The following SASH1 variants were observed in gnomAD, a reference collection of about 807,000 sequenced individuals.
SASH1 encodes the protein SAM and SH3 domain-containing protein 1.
In SASH1, 44 loss-of-function variants were observed where a neutral mutation model predicts 125.2. The observed-to-expected ratio is 0.35, with a 90% CI of 0.28 to 0.45. The LOEUF is 0.45. Among genes scored for constraint, SASH1 ranks in the 20% least tolerant of loss-of-function variants. SASH1 has a pLI of 1.00. For synonymous variants in SASH1, 639 were observed against 649.1 expected (o/e 0.98, Z 0.24); for missense variants, 1,426 against 1,614.5 (o/e 0.88, Z 2.00).
chr6:148,519,425 T>TGTAA lies in SASH1; in HGVS notation c.863-119_863-116dup, dbSNP rs1780658961. The TGTAA allele has an allele frequency of 1.5e-6, 1 of 677,028 alleles. No homozygotes were observed. Among genetic ancestry groups the TGTAA allele is most frequent in the South Asian group, 1.9e-5 (1 of 51,886 alleles). The allele number at this position is 677,028 out of a possible 1,614,324, so 41.9% of individuals were successfully genotyped here. ...GTGTATTTTCATTTTTCTGTACATA[T>TGTAA]GTAAGTGGGAGCTGGGTTTATAAAG... On this transcript the variant is annotated intron_variant, in intron 9 of 19. Coordinates refer to ENST00000367467, the MANE Select transcript of SASH1 (RefSeq NM_015278.5). The surrounding 1 kb of genome is among the most constrained non-coding windows in gnomAD (Gnocchi z 4.8).
intron 1 of SASH1, among the ~76,000 whole-genome samples, chr6:148,279,209 T>C (rs1480949825): frequency 2.0e-5 from 3 of 152,136 alleles, no homozygotes; most frequent in East Asian, 3.9e-4. Context: ...CAGGCTGGTC[T>C]TGAACTCCTG....
intron 1 of SASH1, among the ~76,000 whole-genome samples, chr6:148,351,322 T>G (rs1378949309): frequency 6.6e-6 from 1 of 152,062 alleles, no homozygotes; most frequent in African/African-American, 2.4e-5. Context: ...ATATTTGTAT[T>G]TATGTTTGCT....
chr6:148,551,973 A>G lies in SASH1; in HGVS notation c.*3415A>G, dbSNP rs1047064922. The G allele has an allele frequency of 6.6e-6, 1 of 152,628 alleles. No individual in the cohort carries two copies. The highest frequency in any genetic ancestry group is 1.5e-5 in the Non-Finnish European group (1 of 68,032). 9.5% of individuals were successfully genotyped at this position (152,628 alleles called of 1,614,324 possible). A position where few individuals can be genotyped will look rare whatever the true frequency, so the allele number is the denominator to read the frequency against. ...GAGAGGTGGACGGAAGGGTTTTCCTATGTATCAAAACTTGTCTATAATTAT... is the reference window on the plus strand; with the variant it reads ...GAGAGGTGGACGGAAGGGTTTTCCTGTGTATCAAAACTTGTCTATAATTAT... On this transcript the variant is annotated 3_prime_UTR_variant, in exon 20 of 20. Transcript: ENST00000367467.
At chr6:148,244,476 A>T in the SASH1 span, among the ~76,000 whole-genome samples, 1 of 152,196 alleles carries the variant, frequency 6.6e-6, no homozygotes, top group Non-Finnish European at 1.5e-5. Flanking sequence ...TTGTTTTATT[A>T]TAAAGGGTTA....
At chr6:148,250,608 A>C in the SASH1 span, among the ~76,000 whole-genome samples, 1 of 151,990 alleles carries the variant, frequency 6.6e-6, no homozygotes, top group Admixed American at 6.6e-5. Context: ...AAAAAAAAAG[A>C]ATGAAACATT....
chr6:148,468,530 G>A lies in SASH1; in HGVS notation c.387-15G>A, dbSNP rs1360042312. 1 of 1,602,834 alleles carries A rather than the reference G, an allele frequency of 6.2e-7. No individual in the cohort carries two copies. Among genetic ancestry groups the A allele is most frequent in the East Asian group, 2.2e-5 (1 of 44,684 alleles). On this transcript the variant is annotated splice_polypyrimidine_tract_variant and intron_variant, in intron 4 of 19. Transcript: ENST00000367467. ...GCAAGGCTCTCTGGTAATCTGATTT[G>A]TTTTTCTTTTCTAGGAACCCTCTTC...
chr6:148,375,764 A>G (rs766358637), intron 1 of SASH1, among the ~76,000 whole-genome samples: 1 of 152,242 alleles, frequency 6.6e-6, no homozygotes, highest in Non-Finnish European at 1.5e-5. Context: ...GTTCCTTTGT[A>G]GGACTGACAT....
chr6:148,360,030 T>C lies in SASH1; in HGVS notation c.156+16807T>C, dbSNP rs144104671. On this transcript the variant is annotated intron_variant, in intron 1 of 19. Coordinates refer to ENST00000367467, the MANE Select transcript of SASH1 (RefSeq NM_015278.5). ...GCCTCCGCTCCCAAAGTGCTGGGATTACAGGCGTGAGCCACCGCACCCAGC... is the reference window on the plus strand; with the variant it reads ...GCCTCCGCTCCCAAAGTGCTGGGATCACAGGCGTGAGCCACCGCACCCAGC... Among the ~76,000 whole-genome samples, 38 of 151,734 alleles carry C rather than the reference T, an allele frequency of 2.5e-4. 1 individual carries two copies. The East Asian group carries it at 7.4e-3, about 30-fold the overall frequency.
chr6:148,459,812 A>T (rs541916667), intron 4 of SASH1, among the ~76,000 whole-genome samples: 1 of 152,224 alleles, frequency 6.6e-6, no homozygotes, highest in Non-Finnish European at 1.5e-5. Flanking sequence ...TAAAAATTCT[A>T]TGTGATCGGT....
At chr6:148,309,666 T>TA (rs1166007598) in intron 1 of SASH1, among the ~76,000 whole-genome samples, 5 of 120,268 alleles carry the variant, frequency 4.2e-5, no homozygotes, top group Non-Finnish European at 8.9e-5. Context: ...TCATGTTGCT[T>TA]TAAAAAAAAA....
upstream of SASH1, among the ~76,000 whole-genome samples, chr6:148,342,354 G>C (rs1781352307): frequency 6.6e-6 from 1 of 152,192 alleles, no homozygotes; most frequent in Non-Finnish European, 1.5e-5. Context: ...AAGCCTTTGG[G>C]CGGGAGTCGC....
chr6:148,526,550 T>C (rs59476878), intron 11 of SASH1, among the ~76,000 whole-genome samples: 2,680 of 152,336 alleles, frequency 0.018, 89 homozygotes, highest in African/African-American at 0.061. Context: ...CGAATTATAT[T>C]GATTCTTAAG....
chr6:148,436,634 G>A (rs1326062921), intron 2 of SASH1, among the ~76,000 whole-genome samples: 10 of 152,174 alleles, frequency 6.6e-5, no homozygotes, highest in South Asian at 2.1e-4. Flanking sequence ...TCAGCAACCC[G>A]TGCAGCCCTA....
chr6:148,483,115 A>G (rs1357707593), intron 7 of SASH1, among the ~76,000 whole-genome samples: 1 of 152,164 alleles, frequency 6.6e-6, no homozygotes, highest in Non-Finnish European at 1.5e-5. Context: ...GGTAACTTAT[A>G]AAGAAAGGAG....
At chr6:148,259,399 C>T in the SASH1 span, among the ~76,000 whole-genome samples, 21 of 152,282 alleles carry the variant, frequency 1.4e-4, no homozygotes, top group South Asian at 4.4e-3. Flanking sequence ...GTCCAGATAG[C>T]ACTCTTGAAT....
intron 8 of SASH1, among the ~76,000 whole-genome samples, chr6:148,496,060 C>T (rs928503840): frequency 4.0e-5 from 6 of 151,124 alleles, no homozygotes; most frequent in African/African-American, 1.5e-4. Context: ...GTTGGCCAGG[C>T]TGTTGTCGAA....
At chr6:148,343,321 C>G (rs535763295) in intron 1 of SASH1, 98 bp downstream of exon 1, 8 of 1,175,976 alleles carry the variant, frequency 6.8e-6, no homozygotes, top group Admixed American at 2.0e-5. Flanking sequence ...GGGCAACCCA[C>G]TCCGCAGAGG....
chr6:148,387,646 T>C lies in SASH1; in HGVS notation c.157-2488T>C, dbSNP rs1235414207. Among the ~76,000 whole-genome samples, 77 of 64,614 alleles carry C rather than the reference T, an allele frequency of 1.2e-3. 6 individuals carry two copies. The Middle Eastern group carries it at 0.025, about 21-fold the overall frequency. 42.4% of individuals were successfully genotyped at this position (64,614 alleles called of 152,430 possible). A position where few individuals can be genotyped will look rare whatever the true frequency, so the allele number is the denominator to read the frequency against. On this transcript the variant is annotated intron_variant, in intron 1 of 19. Transcript: ENST00000367467. The stretch of plus-strand genomic sequence containing the variant: ...TTTCTTTCTTTCTTTCTTTCTTTCT[T>C]TCTTTCTTTCTTTCTTTCTTTCTTT...
At chr6:148,235,719 T>A in the SASH1 span, among the ~76,000 whole-genome samples, 119,880 of 152,084 alleles carry the variant, frequency 0.79, 47,603 homozygotes, top group African/African-American at 0.87. Flanking sequence ...AGTAAATAAT[T>A]GTAGATGCAA....
Sources: gnomAD v4.1 joint callset for allele counts (sites outside exome capture counted in the v4.1 genomes callset) on GRCh38, gnomAD v4.1.1 for gene constraint, Gnocchi (gnomAD v3.1) non-coding constraint, MANE v1.5 for transcripts, NCBI Gene and HGNC (gene_info 2026-07-23, HGNC 2026-07-21) for gene names.